GRM7: variants seen among roughly 807,000 people sequenced by gnomAD.
The protein encoded by GRM7 is metabotropic glutamate receptor 7.
In GRM7, 35 loss-of-function variants were observed where a neutral mutation model predicts 84.5. The observed-to-expected ratio is 0.41, with a 90% CI of 0.32 to 0.55. GRM7 has a LOEUF of 0.55. GRM7 is among the 20% of genes least tolerant of loss of function. The pLI is 0.19. For synonymous variants in GRM7, 487 were observed against 455.1 expected (o/e 1.07, Z -0.89); for missense variants, 1,003 against 1,194.6 (o/e 0.84, Z 2.36).
chr3:7,649,684 G>A (rs148135139), intron 8 of GRM7, among the ~76,000 whole-genome samples: 1 of 152,008 alleles, frequency 6.6e-6, no homozygotes, highest in Admixed American at 6.6e-5. Flanking sequence ...TTCGGCAGGG[G>A]ATTTATTGAT....
intron 7 of GRM7, among the ~76,000 whole-genome samples, chr3:7,495,328 G>A (rs191281660): frequency 4.6e-5 from 7 of 152,138 alleles, no homozygotes; most frequent in Admixed American, 3.9e-4. Context: ...CTCAAACCCT[G>A]GTTTCTCTAG....
rs900115913 is a variant in GRM7 at position 7,277,288 on chromosome 3, G to GT, written c.737-21395dup. Among the ~76,000 whole-genome samples the GT allele has an allele frequency of 9.9e-5, 15 of 151,928 alleles. 1 individual carries two copies. Among genetic ancestry groups the GT allele is most frequent in the Non-Finnish European group, 1.9e-4 (13 of 67,950 alleles). ...AGAAAATGAAAATATATAGACTAACGTAAGATTAATAATGCTTTTTTTTTA... is the reference window on the plus strand; with the variant it reads ...AGAAAATGAAAATATATAGACTAACGTTAAGATTAATAATGCTTTTTTTTTA... On this transcript the variant is annotated intron_variant, in intron 2 of 9. Coordinates refer to ENST00000357716, the MANE Select transcript of GRM7 (RefSeq NM_000844.4).
chr3:7,100,039 G>A (rs561415343), intron 1 of GRM7, among the ~76,000 whole-genome samples: 1 of 149,142 alleles, frequency 6.7e-6, no homozygotes, highest in East Asian at 2.0e-4. Flanking sequence ...ATATGCATAT[G>A]TATATTACAT....
At position 7,146,664 on chromosome 3, in the gene GRM7, G is replaced by C. The variant is rs768752854; in HGVS notation, c.732G>C (p.Glu244Asp). 3.7e-6 allele frequency: 6 copies of C among 1,609,768 alleles called. No individual in the cohort carries two copies. The East Asian group carries it at 8.9e-5, about 24-fold the overall frequency. ...GVESFTQISK[E>D]AGGLCIAQSV... ...AGTCCTTCACGCAGATTTCCAAAGA[G>C]GCAGGTAGGATGAGATTGCTCTGAT... is the stretch of plus-strand genomic sequence containing the variant. Residue 244 changes from glutamate to aspartate, a missense_variant, in exon 2 of 10, where the codon GAG becomes GAC. Around this residue, in one of 2 missense-constraint regions of GRM7, gnomAD observed 910 missense variants for 1,126.0 expected, o/e 0.81. Transcript: ENST00000357716.
At chr3:7,313,881 T>C (rs1700492110) in intron 4 of GRM7, among the ~76,000 whole-genome samples, 1 of 151,888 alleles carries the variant, frequency 6.6e-6, no homozygotes, top group African/African-American at 2.4e-5. Flanking sequence ...TCAGTACAGC[T>C]TGTGGTTCAT....
At chr3:7,068,902 T>G (rs9827892) in intron 1 of GRM7, among the ~76,000 whole-genome samples, 56,309 of 151,584 alleles carry the variant, frequency 0.37, 12,383 homozygotes, top group African/African-American at 0.62. Context: ...ACTCATGAAT[T>G]AAAGACAGTT....
At chr3:6,943,094 A>G (rs1697945681) in intron 1 of GRM7, among the ~76,000 whole-genome samples, 1 of 151,996 alleles carries the variant, frequency 6.6e-6, no homozygotes, top group Non-Finnish European at 1.5e-5. Context: ...AAAATACTTC[A>G]TATATTCTAG....
intron 9 of GRM7, among the ~76,000 whole-genome samples, chr3:7,714,286 C>A (rs73023778): frequency 6.6e-6 from 1 of 152,056 alleles, no homozygotes; most frequent in African/African-American, 2.4e-5. Context: ...CTTTCCATAT[C>A]TCAAAACAAA....
At chr3:7,654,463 C>T (rs1202496778) in intron 8 of GRM7, among the ~76,000 whole-genome samples, 1 of 152,222 alleles carries the variant, frequency 6.6e-6, no homozygotes, top group African/African-American at 2.4e-5. Flanking sequence ...GCCCTAGAAA[C>T]TCCTCAAATG....
chr3:7,566,370 A>G (rs1267880313), intron 7 of GRM7, among the ~76,000 whole-genome samples: 2 of 152,194 alleles, frequency 1.3e-5, no homozygotes, highest in Non-Finnish European at 2.9e-5. Flanking sequence ...TTAATTTGAA[A>G]TAAATTTAAA....
At chr3:7,541,709 C>T (rs1692892177) in intron 7 of GRM7, among the ~76,000 whole-genome samples, 2 of 152,186 alleles carry the variant, frequency 1.3e-5, no homozygotes, top group East Asian at 1.9e-4. Context: ...TCCAGTGTTC[C>T]CTTGGCTGCC....
At chr3:7,516,504 A>AG (rs1700394593) in intron 7 of GRM7, among the ~76,000 whole-genome samples, 4 of 124,714 alleles carry the variant, frequency 3.2e-5, no homozygotes, top group Non-Finnish European at 5.6e-5. Context: ...AAAAAAAAAA[A>AG]AGAAATAGTT....
At chr3:7,016,404 A>G (rs143127840) in intron 1 of GRM7, among the ~76,000 whole-genome samples, 294 of 152,260 alleles carry the variant, frequency 1.9e-3, no homozygotes, top group South Asian at 3.7e-3. Flanking sequence ...GGGTTTATAT[A>G]GCTAGAGAGG....
intron 9 of GRM7, among the ~76,000 whole-genome samples, chr3:7,730,384 G>C (rs1575678079): frequency 6.6e-6 from 1 of 152,272 alleles, no homozygotes; most frequent in Non-Finnish European, 1.5e-5. Context: ...AGCAGGGACT[G>C]AACCTGCACA....
intron 9 of GRM7, among the ~76,000 whole-genome samples, chr3:7,704,732 A>G (rs900634460): frequency 1.3e-5 from 2 of 152,128 alleles, no homozygotes; most frequent in Non-Finnish European, 2.9e-5. Flanking sequence ...CTGGACCTAG[A>G]CCTGCCAGAA....
In GRM7 at chr3:7,188,986, T is replaced by C. The variant is rs1200401691; in HGVS notation, c.736+42318T>C. Among the ~76,000 whole-genome samples the C allele has an allele frequency of 6.6e-6, 1 of 152,212 alleles. No homozygotes were observed. The highest frequency in any genetic ancestry group is 1.5e-5 in the Non-Finnish European group (1 of 68,036). ...GAACAAAGAGCCTAGGAGCTGTACTTTCTGAGTGAGTGGTCTCCGACCTGT... is the reference window on the plus strand; with the variant it reads ...GAACAAAGAGCCTAGGAGCTGTACTCTCTGAGTGAGTGGTCTCCGACCTGT... On this transcript the variant is annotated intron_variant, in intron 2 of 9. Transcript: ENST00000357716. The surrounding 1 kb of genome is among the most constrained non-coding windows in gnomAD (Gnocchi z 4.2).
At chr3:7,586,170 A>G (rs994069543) in intron 8 of GRM7, among the ~76,000 whole-genome samples, 2 of 152,234 alleles carry the variant, frequency 1.3e-5, no homozygotes, top group Non-Finnish European at 2.9e-5. Flanking sequence ...TAAAAGACTG[A>G]TGATGCAAGA....
At chr3:7,697,886 G>A (rs991802493) in intron 9 of GRM7, among the ~76,000 whole-genome samples, 7 of 152,126 alleles carry the variant, frequency 4.6e-5, no homozygotes, top group African/African-American at 1.7e-4. Flanking sequence ...TTACTGTAGG[G>A]GTTATAAAGA....
chr3:7,239,684 T>A (rs142026115), intron 2 of GRM7, among the ~76,000 whole-genome samples: 1,562 of 152,200 alleles, frequency 0.01, 20 homozygotes, highest in Admixed American at 0.012. Context: ...AGGGGGACAT[T>A]TTTGATCTGG....
Sources: gnomAD v4.1 joint callset for allele counts (sites outside exome capture counted in the v4.1 genomes callset) on GRCh38, gnomAD v4.1.1 for gene constraint, gnomAD v4.1.1 regional missense constraint, Gnocchi (gnomAD v3.1) non-coding constraint, MANE v1.5 for transcripts, NCBI Gene and HGNC (gene_info 2026-07-23, HGNC 2026-07-21) for gene names.